Variants in SHANK2 observed in about 807,000 individuals in gnomAD.
The protein encoded by SHANK2 is SH3 and multiple ankyrin repeat domains 2, also known as SH3 and multiple ankyrin repeat domains protein 2.
A neutral mutation model predicts 133.7 loss-of-function variants in SHANK2; 43 were observed. That is an observed-to-expected ratio of 0.32 (90% CI 0.25 to 0.41). The LOEUF is 0.41. Ranked by LOEUF, SHANK2 falls within the 10% of genes least tolerant of loss-of-function variation. The pLI is 1.00. For synonymous variants in SHANK2, 1,017 were observed against 952.8 expected (o/e 1.07, Z -1.24); for missense variants, 1,994 against 2,235.8 (o/e 0.89, Z 2.18).
At chr11:70,741,600 C>T (rs484938) in intron 14 of SHANK2, among the ~76,000 whole-genome samples, 65,998 of 151,978 alleles carry the variant, frequency 0.43, 14,655 homozygotes, top group African/African-American at 0.52. Flanking sequence ...TGCCTGGGTA[C>T]CCTGTGTGTC....
chr11:71,118,275 C>A (rs556589984), intron 4 of SHANK2, among the ~76,000 whole-genome samples: 19 of 152,220 alleles, frequency 1.2e-4, no homozygotes, highest in African/African-American at 4.3e-4. Context: ...AGATTCATGG[C>A]AAAATCAGAA....
intron 11 of SHANK2, among the ~76,000 whole-genome samples, chr11:70,884,548 C>T (rs1949707620): frequency 6.6e-6 from 1 of 152,186 alleles, no homozygotes; most frequent in South Asian, 2.1e-4. Context: ...CTCCCAGCTG[C>T]TGGAGGAGCT....
Position 71,092,409 on chromosome 11 carries a change from C to G in SHANK2, c.912+13G>C, listed in dbSNP as rs112097964. On this transcript the variant is annotated intron_variant, in intron 8 of 25. Coordinates refer to ENST00000601538, the MANE Select transcript of SHANK2 (RefSeq NM_012309.5). ...TCGTGGGTACAACAGAGTGGAGAAG[C>G]GGGCCCACGTACCTGGTGGATCTCG... 3.9e-6 allele frequency: 6 copies of G among 1,550,740 alleles called. No individual in the cohort carries two copies. The African/African-American group carries it at 8.2e-5, about 21-fold the overall frequency.
intron 17 of SHANK2, among the ~76,000 whole-genome samples, chr11:70,609,878 G>A (rs1211020795): frequency 5.7e-5 from 1 of 17,506 alleles, no homozygotes; most frequent in Non-Finnish European, 1.5e-4. Context: ...GGCATGAAAA[G>A]GAATGAGACA....
At chr11:70,653,567 CAAAAAAAAAAAA>C (rs1157982312) in intron 17 of SHANK2, among the ~76,000 whole-genome samples, 15 of 61,804 alleles carry the variant, frequency 2.4e-4, no homozygotes, top group East Asian at 1.4e-3. Context: ...CTCAGCCTTC[CAAAAAAAAAAAA>C]AAAAAAAAAA....
intron 17 of SHANK2, among the ~76,000 whole-genome samples, chr11:70,601,964 G>T (rs2136327727): frequency 6.6e-6 from 1 of 152,324 alleles, no homozygotes; most frequent in African/African-American, 2.4e-5. Flanking sequence ...ATTTAACCCT[G>T]CCCAAATCTC....
intron 17 of SHANK2, among the ~76,000 whole-genome samples, chr11:70,564,178 T>A (rs2059940582): frequency 6.6e-6 from 1 of 152,164 alleles, no homozygotes; most frequent in Admixed American, 6.5e-5. Flanking sequence ...TCTATTGAGC[T>A]GCTTGGGTGT....
chr11:71,081,233 G>A (rs891307961), intron 8 of SHANK2, among the ~76,000 whole-genome samples: 1,564 of 152,234 alleles, frequency 0.01, 29 homozygotes, highest in African/African-American at 0.036. Flanking sequence ...GCCCTGCGAC[G>A]CCTTCGTTTG....
intron 1 of SHANK2, among the ~76,000 whole-genome samples, chr11:71,250,104 C>G (rs1422577418): frequency 6.8e-6 from 1 of 146,122 alleles, no homozygotes; most frequent in Non-Finnish European, 1.5e-5. Flanking sequence ...ATCCCCCCAA[C>G]AGACCGCCCC....
At chr11:70,541,207 G>A (rs2059618084) in intron 17 of SHANK2, among the ~76,000 whole-genome samples, 1 of 152,190 alleles carries the variant, frequency 6.6e-6, no homozygotes, top group African/African-American at 2.4e-5. Context: ...CCCTGATCGG[G>A]ATACACCACA....
At chr11:71,090,172 CTGTGTGTGTG>C (rs1191382012) in intron 8 of SHANK2, among the ~76,000 whole-genome samples, 23 of 87,300 alleles carry the variant, frequency 2.6e-4, no homozygotes, top group Admixed American at 3.5e-4. Flanking sequence ...GAAACACAAC[CTGTGTGTGTG>C]TGTGTGTGTG....
chr11:70,678,473 G>A (rs1555017712), intron 15 of SHANK2, among the ~76,000 whole-genome samples: 1 of 147,642 alleles, frequency 6.8e-6, no homozygotes, highest in Admixed American at 6.8e-5. Flanking sequence ...TATCTGTCCT[G>A]CCTCTCCCTG....
rs541555324 is a variant in SHANK2, at chr11:70,471,582, C to T, written c.*1287G>A. Reference sequence around the variant, plus strand: ...GCCTCTGCTTTCACTCTGATCCTGCCGCCCACCTTCTGTTCTCAACCCTGG... The same window carrying T: ...GCCTCTGCTTTCACTCTGATCCTGCTGCCCACCTTCTGTTCTCAACCCTGG... On this transcript the variant is annotated 3_prime_UTR_variant, in exon 26 of 26. Coordinates refer to ENST00000601538, the MANE Select transcript of SHANK2 (RefSeq NM_012309.5). This position sits in a 1 kb window ranked among gnomAD's most constrained non-coding sequence, Gnocchi z 4.1. 79 of 395,546 alleles carry T rather than the reference C, an allele frequency of 2.0e-4. No individual in the cohort carries two copies. The highest frequency in any genetic ancestry group is 2.2e-4 in the Non-Finnish European group (50 of 224,710). The allele number at this position is 395,546 out of a possible 1,614,324, so 24.5% of individuals were successfully genotyped here.
At position 70,502,251 on chromosome 11, in the gene SHANK2, G is replaced by A; in HGVS notation, c.2233C>T (p.Leu745Phe). ...GTCATGGACTTGGAGCGCAGGGTGA[G>A]GGCTGTGGTCGGTGCCCGCTTTGGA... is the stretch of plus-strand genomic sequence containing the variant. ...PPPKRAPTTA[L>F]TLRSKSMTSE... The change falls in exon 19 of 26, where the codon CTC becomes TTC. Residue 745 changes from leucine to phenylalanine, a missense_variant. Transcript: ENST00000601538. The A allele has an allele frequency of 6.4e-7, 1 of 1,559,150 alleles. No homozygotes were observed. Among genetic ancestry groups the A allele is most frequent in the Non-Finnish European group, 8.7e-7 (1 of 1,150,312 alleles).
At chr11:71,208,102 T>A (rs1477089758) in intron 2 of SHANK2, among the ~76,000 whole-genome samples, 1 of 152,104 alleles carries the variant, frequency 6.6e-6, no homozygotes, top group Non-Finnish European at 1.5e-5. Context: ...AACATCCAAC[T>A]AGTCCAGCGT....
chr11:71,124,921 G>A (rs1428469939), intron 3 of SHANK2, among the ~76,000 whole-genome samples: 1 of 152,182 alleles, frequency 6.6e-6, no homozygotes, highest in African/African-American at 2.4e-5. Flanking sequence ...TGTCACATAT[G>A]AGTAATTCTT....
chr11:71,177,547 A>C (rs7482111), intron 2 of SHANK2, among the ~76,000 whole-genome samples: 1 of 152,242 alleles, frequency 6.6e-6, no homozygotes, highest in African/African-American at 2.4e-5. Context: ...CAGATAAACC[A>C]ATAAAGATAA....
At chr11:70,924,338 C>T (rs942279507) in intron 10 of SHANK2, among the ~76,000 whole-genome samples, 8 of 8,690 alleles carry the variant, frequency 9.2e-4, no homozygotes, top group South Asian at 7.9e-3. Flanking sequence ...ACCTGGGACA[C>T]GCTGCTCCTA....
intron 14 of SHANK2, among the ~76,000 whole-genome samples, chr11:70,725,585 GT>G (rs1226872386): frequency 2.6e-5 from 4 of 152,216 alleles, no homozygotes; most frequent in African/African-American, 9.6e-5. Flanking sequence ...ACCAGTGGGT[GT>G]TGTTCAGATG....
Sources: allele counts gnomAD v4.1 joint callset (sites outside exome capture counted in the v4.1 genomes callset), GRCh38; gene constraint gnomAD v4.1.1; non-coding constraint Gnocchi (gnomAD v3.1); transcripts MANE v1.5; gene names NCBI Gene and HGNC (gene_info 2026-07-23, HGNC 2026-07-21).